Variants in MAP3K4 observed in about 807,000 individuals in gnomAD.
MAP3K4 encodes mitogen-activated protein kinase kinase kinase 4.
Under a neutral mutation model 185.6 loss-of-function variants are expected in MAP3K4, and 67 were observed. That is an observed-to-expected ratio of 0.36 (90% CI 0.30 to 0.44). The LOEUF (loss-of-function observed/expected upper bound fraction) is 0.44, where lower values mean the gene tolerates loss of function less well. Ranked by LOEUF, MAP3K4 falls within the 20% of genes least tolerant of loss-of-function variation. The probability of loss-of-function intolerance (pLI) is 1.00; values close to 1 mark genes in which losing one functional copy is unlikely to be tolerated. For synonymous variants in MAP3K4, 702 were observed against 710.4 expected, an observed-to-expected ratio of 0.99 and a Z score of 0.19; for missense variants, 1,551 against 1,995.1, an observed-to-expected ratio of 0.78 and a Z score of 4.24.
Position 161,098,594 on chromosome 6 carries a change from A to G in MAP3K4, c.3674+167A>G, listed in dbSNP as rs1777687392. Among the ~76,000 whole-genome samples the G allele has an allele frequency of 6.6e-6, 1 of 152,316 alleles. No homozygotes were observed. Among genetic ancestry groups the G allele is most frequent in the East Asian group, 1.9e-4 (1 of 5,182 alleles). ...GTTGTCACGGCCCAGAGGCTCTGGC[A>G]CTGACCAACACGAATGGATAACTGT... On this transcript the variant is annotated intron_variant, in intron 17 of 26. Coordinates refer to ENST00000392142, the MANE Select transcript of MAP3K4 (RefSeq NM_005922.4). This position sits in a 1 kb window ranked among gnomAD's most constrained non-coding sequence, Gnocchi z 4.4.
rs982906675 is a variant in MAP3K4, at chr6:161,053,222, G to A, written c.1707+3243G>A. On this transcript the variant is annotated intron_variant, in intron 3 of 26. Transcript: ENST00000392142. This position sits in a 1 kb window ranked among gnomAD's most constrained non-coding sequence, Gnocchi z 4.2. ...ATGGCTGGAGCACGGGCAGGGTGAA[G>A]GTGCTCCATTCTTTTAAACAACCAG... Among the ~76,000 whole-genome samples, 5 of 152,098 alleles carry A rather than the reference G, an allele frequency of 3.3e-5. No homozygotes were observed. The highest frequency in any genetic ancestry group is 7.3e-5 in the Non-Finnish European group (5 of 68,028).
Position 161,098,321 on chromosome 6 carries a change from GCT to G in MAP3K4, c.3569_3570del (p.Ala1190GlyfsTer21), listed in dbSNP as rs1373509296. ...CGACGCGCGGAGCCATGGCAGCCCT[GCT>G]GCTGCTGCTGCTGCTGCTGCTGCTG... The part of the protein sequence containing the change: ...PSDARSHGSP[A>X]AAAAAAAAAV... On this transcript the variant is annotated frameshift_variant, in exon 17 of 27. Coordinates refer to ENST00000392142, the MANE Select transcript of MAP3K4 (RefSeq NM_005922.4). LOFTEE classifies it high-confidence loss of function. The surrounding 1 kb of genome is among the most constrained non-coding windows in gnomAD (Gnocchi z 4.4). 5.4e-4 allele frequency: 4 copies of G among 7,348 alleles called. No individual in the cohort carries two copies. The highest frequency in any genetic ancestry group is 6.2e-4 in the Non-Finnish European group (4 of 6,490). 0.5% of individuals were successfully genotyped at this position (7,348 alleles called of 1,614,324 possible).
chr6:161,024,413 G>C (rs553076611), intron 1 of MAP3K4, among the ~76,000 whole-genome samples: 35 of 152,194 alleles, frequency 2.3e-4, no homozygotes, highest in African/African-American at 8.4e-4. Context: ...ACACTTTGTT[G>C]TTAACTAAAC....
rs1783845498 is a variant in MAP3K4, at chr6:161,048,507, A to G, written c.344-109A>G. The G allele has an allele frequency of 1.5e-6, 1 of 685,472 alleles. No homozygotes were observed. The highest frequency in any genetic ancestry group is 2.4e-6 in the Non-Finnish European group (1 of 423,792). 42.5% of individuals were successfully genotyped at this position (685,472 alleles called of 1,614,324 possible). ...ATGGTATGCTTTTTTTTCTTCCATT[A>G]GCAGTCTGAAAATATAAATATGTGT... On this transcript the variant is annotated intron_variant, in intron 2 of 26. Transcript: ENST00000392142. This position sits in a 1 kb window ranked among gnomAD's most constrained non-coding sequence, Gnocchi z 4.7.
In MAP3K4 at chr6:161,101,572, C is replaced by T. The variant is rs111487409; in HGVS notation, c.3675-320C>T. The T allele has an allele frequency of 1.3e-3, 250 of 190,406 alleles. 2 individuals carry two copies. Among genetic ancestry groups the T allele is most frequent in the African/African-American group, 5.3e-3 (230 of 43,042 alleles). 11.8% of individuals were successfully genotyped at this position (190,406 alleles called of 1,614,324 possible). A position where few individuals can be genotyped will look rare whatever the true frequency, so the allele number is the denominator to read the frequency against. On this transcript the variant is annotated intron_variant, in intron 17 of 26. Coordinates refer to ENST00000392142, the MANE Select transcript of MAP3K4 (RefSeq NM_005922.4). This position sits in a 1 kb window ranked among gnomAD's most constrained non-coding sequence, Gnocchi z 5.1. ...TTATGCAGGCAGGTGCTCTCAGGCT[C>T]GGGTGTTGGCTATGGAGAGATGAAA...
chr6:161,075,404 G>A lies in MAP3K4; in HGVS notation c.2097+1792G>A, dbSNP rs139345693. Among the ~76,000 whole-genome samples, 7 of 152,192 alleles carry A rather than the reference G, an allele frequency of 4.6e-5. No homozygotes were observed. The highest frequency in any genetic ancestry group is 7.4e-5 in the Non-Finnish European group (5 of 67,996). On this transcript the variant is annotated intron_variant, in intron 5 of 26. Transcript: ENST00000392142. This position sits in a 1 kb window ranked among gnomAD's most constrained non-coding sequence, Gnocchi z 4.3. Reference sequence around the variant, plus strand: ...AACTCCTGGGCTCAGTGATCCTCCCGCCTTGGCCTCCCAAAGTGCTGGGAT... The same window carrying A: ...AACTCCTGGGCTCAGTGATCCTCCCACCTTGGCCTCCCAAAGTGCTGGGAT...
Position 161,098,563 on chromosome 6 carries a change from C to T in MAP3K4, c.3674+136C>T. Reference sequence around the variant, plus strand: ...CGTGTGAGTGATGCTCTAGGGCCTTCCGCAGGTTGTCACGGCCCAGAGGCT... The same window carrying T: ...CGTGTGAGTGATGCTCTAGGGCCTTTCGCAGGTTGTCACGGCCCAGAGGCT... On this transcript the variant is annotated intron_variant, in intron 17 of 26. Transcript: ENST00000392142. This position sits in a 1 kb window ranked among gnomAD's most constrained non-coding sequence, Gnocchi z 4.4. 1 of 1,020,162 alleles carries T rather than the reference C, an allele frequency of 9.8e-7. No individual in the cohort carries two copies. Among genetic ancestry groups the T allele is most frequent in the Non-Finnish European group, 1.4e-6 (1 of 730,584 alleles). 63.2% of individuals were successfully genotyped at this position (1,020,162 alleles called of 1,614,324 possible). A position where few individuals can be genotyped will look rare whatever the true frequency, so the allele number is the denominator to read the frequency against.
At position 161,116,951 on chromosome 6, in the gene MAP3K4, A is replaced by G. The variant is rs763781665; in HGVS notation, c.*81A>G. ...TTACATAAAGACTGTGCTGAGAAGCAGTATAAGCCTTTTTAACCTTCCAAG... is the reference window on the plus strand; with the variant it reads ...TTACATAAAGACTGTGCTGAGAAGCGGTATAAGCCTTTTTAACCTTCCAAG... On this transcript the variant is annotated 3_prime_UTR_variant, in exon 27 of 27. Coordinates refer to ENST00000392142, the MANE Select transcript of MAP3K4 (RefSeq NM_005922.4). This position sits in a 1 kb window ranked among gnomAD's most constrained non-coding sequence, Gnocchi z 6.2. 13 of 1,348,690 alleles carry G rather than the reference A, an allele frequency of 9.6e-6. No individual in the cohort carries two copies. The highest frequency in any genetic ancestry group is 1.4e-5 in the Non-Finnish European group (13 of 942,732). 83.5% of individuals were successfully genotyped at this position (1,348,690 alleles called of 1,614,324 possible).
rs201279693 is a variant in MAP3K4, at chr6:161,092,162, G to A, written c.3269+19G>A. The A allele has an allele frequency of 6.2e-7, 1 of 1,613,068 alleles. No individual in the cohort carries two copies. Among genetic ancestry groups the A allele is most frequent in the Non-Finnish European group, 8.5e-7 (1 of 1,179,416 alleles). ...GACCCAGGTAATGACCAAGTAGGATGTTTCTGAAATGTGTCATGTGGGCTT... is the reference window on the plus strand; with the variant it reads ...GACCCAGGTAATGACCAAGTAGGATATTTCTGAAATGTGTCATGTGGGCTT... On this transcript the variant is annotated intron_variant, in intron 13 of 26. Transcript: ENST00000392142.
chr6:161,014,892 T>C (rs1051978631), intron 1 of MAP3K4, among the ~76,000 whole-genome samples: 18 of 152,204 alleles, frequency 1.2e-4, no homozygotes, highest in African/African-American at 4.3e-4. Context: ...CTGCACCATG[T>C]AGCCATTACC....
At chr6:160,992,148 C>T (rs536771398) in intron 1 of MAP3K4, 65 bp downstream of exon 1, 1 of 1,447,094 alleles carries the variant, frequency 6.9e-7, no homozygotes, top group Non-Finnish European at 9.0e-7. Context: ...CGAACTCGGT[C>T]GGGCCCGAGG....
rs192182216 is a variant in MAP3K4, at chr6:161,080,451, G to A, written c.2098-430G>A. 2.6e-5 allele frequency among the ~76,000 whole-genome samples: 4 copies of A among 152,254 alleles called. No homozygotes were observed. Among genetic ancestry groups the A allele is most frequent in the Admixed American group, 6.5e-5 (1 of 15,298 alleles). On this transcript the variant is annotated intron_variant, in intron 5 of 26. Transcript: ENST00000392142. This position sits in a 1 kb window ranked among gnomAD's most constrained non-coding sequence, Gnocchi z 4.8. ...TCCGGATGTTAGGAAGGGGTGGTGC[G>A]AAGAAGGGTGTTGACGTCCTCCTCT...
At chr6:160,995,994 G>C (rs750218246) in intron 1 of MAP3K4, among the ~76,000 whole-genome samples, 15 of 151,932 alleles carry the variant, frequency 9.9e-5, no homozygotes, top group Non-Finnish European at 2.1e-4. Context: ...TATATTTATT[G>C]TAAATTCATT....
Position 161,087,844 on chromosome 6 carries a change from A to G in MAP3K4, c.2713A>G (p.Lys905Glu). 1.2e-6 allele frequency: 2 copies of G among 1,614,132 alleles called. No homozygotes were observed. The highest frequency in any genetic ancestry group is 2.7e-5 in the African/African-American group (2 of 75,026). Residue 905 changes from lysine (K) to glutamate (E), a missense_variant, in exon 10 of 27, where the codon AAG becomes GAG. Around this residue, in one of 16 missense-constraint regions of MAP3K4, gnomAD observed 261 missense variants for 306.5 expected, o/e 0.85. Coordinates refer to ENST00000392142, the MANE Select transcript of MAP3K4 (RefSeq NM_005922.4). This position sits in a 1 kb window ranked among gnomAD's most constrained non-coding sequence, Gnocchi z 4.9. ...VLIDAYLLLT[K>E]HGDRARDSED... is the part of the protein sequence containing the mutation. ...CATCGATGCCTATCTGCTTCTGACC[A>G]AGCACGGTGATCGAGCCCGTGATTC...
At position 160,992,064 on chromosome 6, in the gene MAP3K4, G is replaced by C. The variant is rs760422915; in HGVS notation, c.133G>C (p.Glu45Gln). 1 of 1,584,022 alleles carries C rather than the reference G, an allele frequency of 6.3e-7. No individual in the cohort carries two copies. The highest frequency in any genetic ancestry group is 8.5e-7 in the Non-Finnish European group (1 of 1,170,490). Reference sequence around the variant, plus strand: ...GGAACCCGAGACCGAGTCAGAACCCGAGTGCTGCTTGGCGGCGAGGTGAGT... The same window carrying C: ...GGAACCCGAGACCGAGTCAGAACCCCAGTGCTGCTTGGCGGCGAGGTGAGT... ...PPEPETESEP[E>Q]CCLAARQEGT... Residue 45 changes from glutamate (E) to glutamine (Q), a missense_variant, in exon 1 of 27, where the codon GAG becomes CAG. By Grantham distance (29) the Glu-to-Gln change is conservative (BLOSUM62 2). This residue lies in a region of MAP3K4 where 287 missense variants were observed against 268.8 expected (regional missense o/e 1.07). Transcript: ENST00000392142.
Position 161,075,900 on chromosome 6 carries a change from T to C in MAP3K4, c.2097+2288T>C, listed in dbSNP as rs977382270. On this transcript the variant is annotated intron_variant, in intron 5 of 26. Transcript: ENST00000392142. This position sits in a 1 kb window ranked among gnomAD's most constrained non-coding sequence, Gnocchi z 4.3. ...TAGAAGGATCAGGGCAAAGGTGTGT[T>C]CTGAGGACTAGGGGAGCCCAAACAA... is the stretch of plus-strand genomic sequence containing the variant. 1.3e-5 allele frequency among the ~76,000 whole-genome samples: 2 copies of C among 152,182 alleles called. No homozygotes were observed. Among genetic ancestry groups the C allele is most frequent in the African/African-American group, 4.8e-5 (2 of 41,430 alleles).
In MAP3K4 at chr6:161,034,202, A is replaced by C; in HGVS notation, c.153-57A>C. On this transcript the variant is annotated intron_variant, in intron 1 of 26. Transcript: ENST00000392142. This position sits in a 1 kb window ranked among gnomAD's most constrained non-coding sequence, Gnocchi z 4.4. ...GAATTATTTAAAAAATTATAAGTAAATTTGAATTCACTTAACTGTGTTGCT... is the reference window on the plus strand; with the variant it reads ...GAATTATTTAAAAAATTATAAGTAACTTTGAATTCACTTAACTGTGTTGCT... The C allele has an allele frequency of 5.2e-6, 7 of 1,336,274 alleles. No homozygotes were observed. In the South Asian group the frequency reaches 1.0e-4, roughly 20 times the overall value. 82.8% of individuals were successfully genotyped at this position (1,336,274 alleles called of 1,614,324 possible).
chr6:161,060,729 C>T (rs796799795), intron 3 of MAP3K4, among the ~76,000 whole-genome samples: 8 of 150,142 alleles, frequency 5.3e-5, no homozygotes, highest in African/African-American at 2.0e-4. Flanking sequence ...AAGTGGTTCT[C>T]GTGCCTCAGC....
chr6:161,008,828 G>A lies in MAP3K4; in HGVS notation c.152+16745G>A, dbSNP rs1781713325. Among the ~76,000 whole-genome samples the A allele has an allele frequency of 6.6e-6, 1 of 152,034 alleles. No homozygotes were observed. Among genetic ancestry groups the A allele is most frequent in the Non-Finnish European group, 1.5e-5 (1 of 68,002 alleles). On this transcript the variant is annotated intron_variant, in intron 1 of 26. Coordinates refer to ENST00000392142, the MANE Select transcript of MAP3K4 (RefSeq NM_005922.4). This position sits in a 1 kb window ranked among gnomAD's most constrained non-coding sequence, Gnocchi z 4.1. The stretch of plus-strand genomic sequence containing the variant: ...CTTTCACTCAGCATGGTGCTTGTGA[G>A]GTTCATCTATGTTGTTTTGGTTGAT...
Sources: allele counts gnomAD v4.1 joint callset (sites outside exome capture counted in the v4.1 genomes callset), GRCh38; gene constraint gnomAD v4.1.1; regional missense constraint gnomAD v4.1.1; non-coding constraint Gnocchi (gnomAD v3.1); transcripts MANE v1.5; gene names NCBI Gene and HGNC (gene_info 2026-07-23, HGNC 2026-07-21).